PTPRD: variants seen among roughly 807,000 people sequenced by gnomAD.
The protein encoded by PTPRD is receptor-type tyrosine-protein phosphatase delta.
PTPRD carries 34 observed loss-of-function variants against 214.5 expected under a neutral mutation model. The ratio of observed to expected loss-of-function variants is 0.16; its 90% CI spans 0.12 to 0.21. PTPRD has a LOEUF of 0.21. PTPRD is among the 10% of genes least tolerant of loss of function. The probability of loss-of-function intolerance (pLI) is 1.00; values close to 1 mark genes in which losing one functional copy is unlikely to be tolerated. For synonymous variants in PTPRD, 1,128 were observed against 845.7 expected (o/e 1.33, Z -5.79); for missense variants, 2,545 against 2,398.7 (o/e 1.06, Z -1.27).
At position 9,597,071 on chromosome 9, in the gene PTPRD, T is replaced by C. The variant is rs192265381; in HGVS notation, c.-286-22290A>G. On this transcript the variant is annotated intron_variant, in intron 7 of 45. Transcript: ENST00000381196. ...AAAGCTGCAGGTAAGAAGTTCCCAGTAGTCATTGAAAAACGAATGAAAGTA... is the reference window on the plus strand; with the variant it reads ...AAAGCTGCAGGTAAGAAGTTCCCAGCAGTCATTGAAAAACGAATGAAAGTA... 3.4e-3 allele frequency among the ~76,000 whole-genome samples: 514 copies of C among 152,088 alleles called. 1 individual carries two copies. Among genetic ancestry groups the C allele is most frequent in the Non-Finnish European group, 5.2e-3 (355 of 67,950 alleles).
At chr9:9,317,660 T>A (rs991893333) in intron 9 of PTPRD, among the ~76,000 whole-genome samples, 10 of 152,060 alleles carry the variant, frequency 6.6e-5, no homozygotes, top group African/African-American at 9.7e-5. Flanking sequence ...TTGAAAAAAA[T>A]TTCAGTTTTG....
At chr9:10,228,025 TA>T (rs1277499164) in intron 3 of PTPRD, among the ~76,000 whole-genome samples, 11 of 151,992 alleles carry the variant, frequency 7.2e-5, no homozygotes. Flanking sequence ...CTGGCTGTAA[TA>T]TAGGTGGTCA....
At chr9:8,685,231 C>T (rs1052964558) in intron 12 of PTPRD, among the ~76,000 whole-genome samples, 24 of 145,446 alleles carry the variant, frequency 1.7e-4, no homozygotes, top group African/African-American at 5.7e-4. Flanking sequence ...AAGGCCTCTA[C>T]AAAGAAGTGC....
rs3076461 is a variant in PTPRD at position 10,509,557 on chromosome 9, TTATA to T, written c.-600+102837_-600+102840del. ...TAAATATATTTACATTTAATAAATA[TTATA>T]TATATATATATATATATATTTTACT... On this transcript the variant is annotated intron_variant, in intron 2 of 45. Transcript: ENST00000381196. Among the ~76,000 whole-genome samples, 112 of 106,688 alleles carry T rather than the reference TTATA, an allele frequency of 1.0e-3. 5 individuals are homozygous for T. Among genetic ancestry groups the T allele is most frequent in the Admixed American group, 5.7e-3 (59 of 10,350 alleles). 70.0% of individuals were successfully genotyped at this position (106,688 alleles called of 152,430 possible).
intron 6 of PTPRD, among the ~76,000 whole-genome samples, chr9:9,743,731 T>TACACACACACACAC (rs4008087): frequency 0.011 from 847 of 80,438 alleles, 5 homozygotes; most frequent in Middle Eastern, 0.069. Flanking sequence ...ACTCAGTCTA[T>TACACACACACACAC]ACACACACAC....
intron 11 of PTPRD, among the ~76,000 whole-genome samples, chr9:8,768,328 A>G (rs2094923518): frequency 1.3e-5 from 2 of 152,192 alleles, no homozygotes; most frequent in Non-Finnish European, 2.9e-5. Context: ...ATGCAGGTGG[A>G]TCCCTTGAGC....
chr9:10,014,639 A>C (rs745917676), intron 4 of PTPRD, among the ~76,000 whole-genome samples: 1 of 152,098 alleles, frequency 6.6e-6, no homozygotes, highest in Non-Finnish European at 1.5e-5. Flanking sequence ...AAATGACAAG[A>C]GGAAGCTGAC....
At chr9:8,561,125 A>C (rs55785812) in intron 14 of PTPRD, among the ~76,000 whole-genome samples, 26 of 151,912 alleles carry the variant, frequency 1.7e-4, no homozygotes, top group African/African-American at 6.3e-4. Flanking sequence ...CTTTGTTCTG[A>C]TTGATCCCCA....
intron 7 of PTPRD, among the ~76,000 whole-genome samples, chr9:9,618,071 C>CAAAAAAAAAAAAAA (rs34125624): frequency 3.5e-4 from 8 of 23,026 alleles, no homozygotes; most frequent in African/African-American, 4.4e-4. Flanking sequence ...GACTCCATCT[C>CAAAAAAAAAAAAAA]AAAAAAAAAA....
chr9:9,406,586 G>C (rs2073483669), intron 8 of PTPRD, among the ~76,000 whole-genome samples: 1 of 151,806 alleles, frequency 6.6e-6, no homozygotes. Flanking sequence ...ACTGATAAGA[G>C]GGAGAATTTT....
intron 11 of PTPRD, among the ~76,000 whole-genome samples, chr9:8,777,712 C>T (rs1231169179): frequency 6.6e-6 from 1 of 151,968 alleles, no homozygotes; most frequent in Non-Finnish European, 1.5e-5. Context: ...GAGAGCTGGT[C>T]ATATATTAAA....
chr9:9,830,303 A>AT (rs1173117193), intron 5 of PTPRD, among the ~76,000 whole-genome samples: 2 of 151,688 alleles, frequency 1.3e-5, no homozygotes, highest in Non-Finnish European at 2.9e-5. Flanking sequence ...GCCACATCCC[A>AT]TTTTTTATTT....
intron 2 of PTPRD, among the ~76,000 whole-genome samples, chr9:10,421,308 C>T (rs762530626): frequency 1.3e-4 from 19 of 151,870 alleles, no homozygotes; most frequent in Admixed American, 3.3e-4. Context: ...CTCACCCCCA[C>T]ACATACACAC....
chr9:8,325,932 T>C (rs2131183795), intron 44 of PTPRD, among the ~76,000 whole-genome samples: 1 of 152,342 alleles, frequency 6.6e-6, no homozygotes, highest in East Asian at 1.9e-4. Flanking sequence ...ATCCTGAGAC[T>C]TTCCTGAAGT....
intron 3 of PTPRD, among the ~76,000 whole-genome samples, chr9:10,045,553 G>A (rs1464218667): frequency 6.6e-6 from 1 of 151,576 alleles, no homozygotes; most frequent in African/African-American, 2.4e-5. Context: ...GCCTTTAGGT[G>A]TATATGTTTC....
intron 7 of PTPRD, among the ~76,000 whole-genome samples, chr9:9,682,856 C>T (rs1203328331): frequency 1.3e-5 from 2 of 151,752 alleles, no homozygotes; most frequent in Non-Finnish European, 2.9e-5. Context: ...TCCACAAATA[C>T]TCCAGGACCT....
intron 3 of PTPRD, among the ~76,000 whole-genome samples, chr9:10,169,027 A>C (rs745742737): frequency 6.6e-5 from 10 of 152,130 alleles, no homozygotes; most frequent in Non-Finnish European, 1.5e-4. Flanking sequence ...CATCCTAAAA[A>C]TTGTCAGAAA....
intron 2 of PTPRD, among the ~76,000 whole-genome samples, chr9:10,512,980 G>A (rs532375374): frequency 1.3e-5 from 2 of 152,152 alleles, no homozygotes; most frequent in East Asian, 3.9e-4. Context: ...TTAAATAAAT[G>A]AAAGAACTAC....
At chr9:9,725,908 C>A (rs531805614) in intron 7 of PTPRD, among the ~76,000 whole-genome samples, 1 of 152,066 alleles carries the variant, frequency 6.6e-6, no homozygotes, top group African/African-American at 2.4e-5. Context: ...TCTTTCCCAG[C>A]AGTACGCATT....
Sources: gnomAD v4.1 joint callset for allele counts (sites outside exome capture counted in the v4.1 genomes callset) on GRCh38, gnomAD v4.1.1 for gene constraint, MANE v1.5 for transcripts, NCBI Gene and HGNC (gene_info 2026-07-23, HGNC 2026-07-21) for gene names.